LMO3: variants seen among roughly 807,000 people sequenced by gnomAD.
LMO3 encodes LIM domain only 3, also known as LIM domain only protein 3.
A neutral mutation model predicts 15.8 loss-of-function variants in LMO3; 2 were observed. That is an observed-to-expected ratio of 0.13 (90% CI 0.05 to 0.40). The LOEUF (loss-of-function observed/expected upper bound fraction) is 0.40, where lower values mean the gene tolerates loss of function less well. LMO3 is among the 10% of genes least tolerant of loss of function. LMO3 has a pLI of 0.99. For synonymous variants in LMO3, 62 were observed against 63.8 expected, an observed-to-expected ratio of 0.97 and a Z score of 0.13; for missense variants, 86 against 182.2, an observed-to-expected ratio of 0.47 and a Z score of 3.04.
At chr12:16,575,711 T>C (rs561700537) in intron 2 of LMO3, among the ~76,000 whole-genome samples, 1 of 152,292 alleles carries the variant, frequency 6.6e-6, no homozygotes, top group South Asian at 2.1e-4. Flanking sequence ...TTTCCCCTCT[T>C]GTGTCAAGAG....
chr12:16,556,712 T>A (rs1182305961), intron 3 of LMO3, among the ~76,000 whole-genome samples: 1 of 152,188 alleles, frequency 6.6e-6, no homozygotes, highest in Non-Finnish European at 1.5e-5. Flanking sequence ...TGAAGCAAAC[T>A]TCAGAGTAAA....
chr12:16,609,316 T>C (rs1944084065), upstream of LMO3: 1 of 152,058 alleles, frequency 6.6e-6, no homozygotes. Context: ...AACCCCAAAG[T>C]CTCACCCCTC....
intron 2 of LMO3, among the ~76,000 whole-genome samples, chr12:16,561,261 ATG>A (rs898929323): frequency 6.6e-6 from 1 of 152,220 alleles, no homozygotes; most frequent in Non-Finnish European, 1.5e-5. Flanking sequence ...ACAAAATAAA[ATG>A]TCTCTCATTT....
chr12:16,592,840 C>A (rs1026995446), intron 2 of LMO3, among the ~76,000 whole-genome samples: 2 of 151,738 alleles, frequency 1.3e-5, no homozygotes, highest in Admixed American at 6.6e-5. Context: ...ATTTCAAAAT[C>A]TTTTAAAAAC....
At chr12:16,564,869 T>C (rs955431249) in intron 2 of LMO3, among the ~76,000 whole-genome samples, 9 of 152,184 alleles carry the variant, frequency 5.9e-5, no homozygotes, top group Non-Finnish European at 1.3e-4. Context: ...CACTGCAGCC[T>C]TGACCTCCTA....
At chr12:16,558,686 G>A (rs1412267732) in intron 3 of LMO3, among the ~76,000 whole-genome samples, 1 of 151,946 alleles carries the variant, frequency 6.6e-6, no homozygotes, top group Non-Finnish European at 1.5e-5. Context: ...TGACTGTCTG[G>A]GTAACTATTA....
At position 16,560,240 on chromosome 12, in the gene LMO3, A is replaced by G. The variant is rs77650486; in HGVS notation, c.332+173T>C. ...TTTCTTTCAGGTAGAAGTAAGTCTT[A>G]AGACCTTTCTTCTCCTTAGTAGCTT... On this transcript the variant is annotated intron_variant, in intron 3 of 3. Transcript: ENST00000537304. This position sits in a 1 kb window ranked among gnomAD's most constrained non-coding sequence, Gnocchi z 5.0. Among the ~76,000 whole-genome samples the G allele has an allele frequency of 0.12, 18,292 of 152,190 alleles. 1,508 individuals carry two copies. Among genetic ancestry groups the G allele is most frequent in the Non-Finnish European group, 0.17 (11,615 of 67,986 alleles).
chr12:16,564,431 A>G (rs1321138199), intron 2 of LMO3, among the ~76,000 whole-genome samples: 1 of 152,230 alleles, frequency 6.6e-6, no homozygotes, highest in Admixed American at 6.5e-5. Flanking sequence ...GGTTTAGTGT[A>G]TATCCATTTC....
chr12:16,598,287 T>C lies in LMO3; in HGVS notation c.206+2368A>G, dbSNP rs1206596609. The C allele has an allele frequency of 6.6e-6, 1 of 152,104 alleles. No homozygotes were observed. The allele number at this position is 152,104 out of a possible 1,614,324, so 9.4% of individuals were successfully genotyped here. A position where few individuals can be genotyped will look rare whatever the true frequency, so the allele number is the denominator to read the frequency against. On this transcript the variant is annotated intron_variant, in intron 2 of 3. Coordinates refer to ENST00000537304, the MANE Select transcript of LMO3 (RefSeq NM_018640.5). The surrounding 1 kb of genome is among the most constrained non-coding windows in gnomAD (Gnocchi z 4.3). ...TACACACACCAATTCTCCACTTCAC[T>C]TCTGCAATTTTAAGTGTTGATGAAG...
intron 2 of LMO3, among the ~76,000 whole-genome samples, chr12:16,566,035 T>C (rs1565488377): frequency 1.2e-5 from 1 of 85,754 alleles, no homozygotes; most frequent in East Asian, 3.7e-4. Flanking sequence ...TATATATATA[T>C]ATATAAAATG....
rs959723144 is a variant in LMO3 at position 16,589,034 on chromosome 12, G to A, written c.206+11621C>T. 3.3e-5 allele frequency among the ~76,000 whole-genome samples: 5 copies of A among 152,052 alleles called. No homozygotes were observed. The highest frequency in any genetic ancestry group is 1.2e-4 in the African/African-American group (5 of 41,422). ...CAGACTTGGAGAGGTTGAGTAAGTT[G>A]CCTAGGAATGTGAAGCTGGGGTGTA... On this transcript the variant is annotated intron_variant, in intron 2 of 3. Coordinates refer to ENST00000537304, the MANE Select transcript of LMO3 (RefSeq NM_018640.5). This position sits in a 1 kb window ranked among gnomAD's most constrained non-coding sequence, Gnocchi z 4.2.
chr12:16,570,082 C>T (rs1942762306), intron 2 of LMO3, among the ~76,000 whole-genome samples: 1 of 152,148 alleles, frequency 6.6e-6, no homozygotes, highest in South Asian at 2.1e-4. Context: ...GTTTCAGCCA[C>T]AGTACAATTA....
chr12:16,590,143 C>T (rs1418468730), intron 2 of LMO3, among the ~76,000 whole-genome samples: 1 of 152,040 alleles, frequency 6.6e-6, no homozygotes, highest in Non-Finnish European at 1.5e-5. Flanking sequence ...TTTTAAAAGA[C>T]ACTTTGTACA....
intron 2 of LMO3, among the ~76,000 whole-genome samples, chr12:16,588,384 A>G (rs1057054762): frequency 6.6e-6 from 1 of 152,038 alleles, no homozygotes; most frequent in Non-Finnish European, 1.5e-5. Flanking sequence ...ACCTGAGAAA[A>G]AGATGCAAAA....
chr12:16,584,956 T>C lies in LMO3; in HGVS notation c.206+15699A>G, dbSNP rs1190799019. On this transcript the variant is annotated intron_variant, in intron 2 of 3. Transcript: ENST00000537304. The surrounding 1 kb of genome is among the most constrained non-coding windows in gnomAD (Gnocchi z 5.2). ...GTTATCTGAAACCAGAATTTTATGA[T>C]TCTGACCAAAAAGTTACATACTAGT... Among the ~76,000 whole-genome samples the C allele has an allele frequency of 1.8e-4, 28 of 152,232 alleles. 1 individual carries two copies. Among genetic ancestry groups the C allele is most frequent in the Admixed American group, 1.8e-3 (28 of 15,286 alleles).
Position 16,598,777 on chromosome 12 carries a change from G to C in LMO3, c.206+1878C>G. 6.4e-6 allele frequency: 1 copy of C among 156,944 alleles called. No individual in the cohort carries two copies. The highest frequency in any genetic ancestry group is 1.8e-4 in the South Asian group (1 of 5,494). The allele number at this position is 156,944 out of a possible 1,614,324, so 9.7% of individuals were successfully genotyped here. ...TCGATGCTATGTTGACAGCTAAGAA[G>C]CATGTTATACTCACAATATAGGTAT... On this transcript the variant is annotated intron_variant, in intron 2 of 3. Coordinates refer to ENST00000537304, the MANE Select transcript of LMO3 (RefSeq NM_018640.5). This position sits in a 1 kb window ranked among gnomAD's most constrained non-coding sequence, Gnocchi z 4.3.
intron 2 of LMO3, among the ~76,000 whole-genome samples, chr12:16,568,728 T>C (rs1405226977): frequency 6.6e-6 from 1 of 152,260 alleles, no homozygotes; most frequent in East Asian, 1.9e-4. Context: ...TTGGCTACTT[T>C]GGCTACTAGA....
At chr12:16,595,940 G>A (rs1219669214) in intron 2 of LMO3, among the ~76,000 whole-genome samples, 1 of 151,108 alleles carries the variant, frequency 6.6e-6, no homozygotes, top group African/African-American at 2.4e-5. Flanking sequence ...TTAAAAAGAT[G>A]ACAATGAAAG....
chr12:16,573,987 C>T (rs945514532), intron 2 of LMO3: 1 of 152,206 alleles, frequency 6.6e-6, no homozygotes, highest in Non-Finnish European at 1.5e-5. Flanking sequence ...CCGTGCCCCT[C>T]AGAGCATTAC....
Sources: allele counts gnomAD v4.1 joint callset (sites outside exome capture counted in the v4.1 genomes callset), GRCh38; gene constraint gnomAD v4.1.1; non-coding constraint Gnocchi (gnomAD v3.1); transcripts MANE v1.5; gene names NCBI Gene and HGNC (gene_info 2026-07-23, HGNC 2026-07-21).